The following GLIPR1L2 variants were observed in gnomAD, a reference collection of about 807,000 sequenced individuals.
GLIPR1L2 encodes the protein GLIPR1 like 2.
Under a neutral mutation model 28.4 loss-of-function variants are expected in GLIPR1L2, and 21 were observed. That is an observed-to-expected ratio of 0.74 (90% CI 0.52 to 1.06). The LOEUF is 1.06. Ranked by LOEUF, GLIPR1L2 falls within the 50% of genes least tolerant of loss-of-function variation. The pLI, the probability that GLIPR1L2 is intolerant of heterozygous loss-of-function variation, is 0.00. For missense variants in GLIPR1L2, 476 were observed against 416.9 expected (o/e 1.14, Z -1.23); for synonymous variants, 145 against 139.3 (o/e 1.04, Z -0.29).
intron 4 of GLIPR1L2, among the ~76,000 whole-genome samples, chr12:75,424,955 T>C (rs1475950309): frequency 6.6e-6 from 1 of 152,036 alleles, no homozygotes; most frequent in East Asian, 1.9e-4. Context: ...AAAGGTGATA[T>C]GTTAGAGCCT....
chr12:75,422,216 A>G (rs897440194), intron 3 of GLIPR1L2, among the ~76,000 whole-genome samples: 2 of 150,782 alleles, frequency 1.3e-5, no homozygotes, highest in East Asian at 4.0e-4. Context: ...CTGGTCTCGA[A>G]CTCCTGGTCT....
chr12:75,432,228 A>G lies in GLIPR1L2; in HGVS notation c.*1067A>G, dbSNP rs1222167121. The G allele has an allele frequency of 2.0e-5, 3 of 152,202 alleles. No homozygotes were observed. Among genetic ancestry groups the G allele is most frequent in the Admixed American group, 1.3e-4 (2 of 15,290 alleles). 9.4% of individuals were successfully genotyped at this position (152,202 alleles called of 1,614,324 possible). On this transcript the variant is annotated 3_prime_UTR_variant, in exon 6 of 6. Transcript: ENST00000550916. ...TTTTAAAATAGGCAAAAAGCAATGT[A>G]TAATATTTTTCCAATTGCCATTCCA...
At chr12:75,428,518 AT>A (rs1184922520) in intron 4 of GLIPR1L2, among the ~76,000 whole-genome samples, 5 of 49,736 alleles carry the variant, frequency 1.0e-4, no homozygotes, top group East Asian at 7.2e-4. Flanking sequence ...GGTAGAAAAA[AT>A]ATATATATAT....
intron 4 of GLIPR1L2, 188 bp downstream of exon 4, chr12:75,423,177 G>A (rs2045996891): frequency 1.4e-6 from 2 of 1,452,256 alleles, no homozygotes; most frequent in Admixed American, 3.0e-5. Flanking sequence ...AGCTTTTTCT[G>A]TTCTATCTTA....
chr12:75,411,477 A>C (rs1171888141), intron 2 of GLIPR1L2, among the ~76,000 whole-genome samples: 4 of 151,120 alleles, frequency 2.6e-5, no homozygotes, highest in Admixed American at 1.3e-4. Flanking sequence ...TACTTCAAAA[A>C]TTTTTTCATC....
chr12:75,414,489 C>A (rs1387785136), intron 3 of GLIPR1L2, among the ~76,000 whole-genome samples: 2 of 152,018 alleles, frequency 1.3e-5, no homozygotes, highest in Admixed American at 1.3e-4. Context: ...ATTTAAAAAG[C>A]AGTGATTACT....
chr12:75,391,097 C>T lies in GLIPR1L2; in HGVS notation c.-20C>T, dbSNP rs1409781242. 20 of 1,578,708 alleles carry T rather than the reference C, an allele frequency of 1.3e-5. No homozygotes were observed. The highest frequency in any genetic ancestry group is 1.7e-5 in the Non-Finnish European group (19 of 1,150,414). On this transcript the variant is annotated 5_prime_UTR_variant, in exon 1 of 6. Coordinates refer to ENST00000550916, the MANE Select transcript of GLIPR1L2 (RefSeq NM_001270396.2). ...GGACGGCCAGCGCGTGCGCACTGGC[C>T]TGTCAGCGGCCGGTGGACCATGGAG... is the stretch of plus-strand genomic sequence containing the variant.
At chr12:75,417,898 A>G (rs2045938926) in intron 3 of GLIPR1L2, among the ~76,000 whole-genome samples, 1 of 152,164 alleles carries the variant, frequency 6.6e-6, no homozygotes, top group African/African-American at 2.4e-5. Context: ...CGATTACTCT[A>G]AAACTTAAAT....
rs748965111 is a variant in GLIPR1L2, at chr12:75,413,646, T to A, written c.529T>A (p.Ser177Thr). ...AGTTGGTTGTGCTGTTACTCCATGT[T>A]CAAAAATTGGACATATTATACATGC... ...YKVGCAVTPC[S>T]KIGHIIHAAI... Residue 177 changes from serine to threonine, a missense_variant, in exon 3 of 6, where the codon TCA becomes ACA. Coordinates refer to ENST00000550916, the MANE Select transcript of GLIPR1L2 (RefSeq NM_001270396.2). The A allele has an allele frequency of 6.4e-7, 1 of 1,568,902 alleles. No homozygotes were observed. The highest frequency in any genetic ancestry group is 8.6e-7 in the Non-Finnish European group (1 of 1,161,544).
chr12:75,393,576 CTG>C (rs1395237079), intron 1 of GLIPR1L2, among the ~76,000 whole-genome samples: 7 of 152,106 alleles, frequency 4.6e-5, no homozygotes, highest in Admixed American at 4.6e-4. Flanking sequence ...TCAGAATTAC[CTG>C]TCTTTTTACA....
At chr12:75,423,819 T>C (rs574864509) in intron 4 of GLIPR1L2, 1 of 152,316 alleles carries the variant, frequency 6.6e-6, no homozygotes, top group South Asian at 2.1e-4. Flanking sequence ...CATGCAGTGT[T>C]TGGTTTTCTG....
chr12:75,405,732 T>C (rs1253951167), intron 1 of GLIPR1L2, among the ~76,000 whole-genome samples: 1 of 152,138 alleles, frequency 6.6e-6, no homozygotes, highest in Non-Finnish European at 1.5e-5. Flanking sequence ...GAGTTGATCA[T>C]GTCCCTCACT....
At chr12:75,425,511 T>C (rs1489317131) in intron 4 of GLIPR1L2, among the ~76,000 whole-genome samples, 1 of 152,104 alleles carries the variant, frequency 6.6e-6, no homozygotes, top group Non-Finnish European at 1.5e-5. Flanking sequence ...CAGAGCTGGG[T>C]TTCAAAGTCT....
In GLIPR1L2 at chr12:75,413,677, T is replaced by G. The variant is rs2045895386; in HGVS notation, c.560T>G (p.Ile187Ser). 2 of 1,521,742 alleles carry G rather than the reference T, an allele frequency of 1.3e-6. No homozygotes were observed. Among genetic ancestry groups the G allele is most frequent in the Non-Finnish European group, 1.8e-6 (2 of 1,132,126 alleles). 94.3% of individuals were successfully genotyped at this position (1,521,742 alleles called of 1,614,324 possible). ...ATTGGACATATTATACATGCAGCAATTTTCATATGCAACTATGCGCCAGGG... is the reference window on the plus strand; with the variant it reads ...ATTGGACATATTATACATGCAGCAAGTTTCATATGCAACTATGCGCCAGGG... ...SKIGHIIHAA[I>S]FICNYAPGGT... Residue 187 changes from isoleucine to serine, a missense_variant, in exon 3 of 6, where the codon ATT becomes AGT. Ile to Ser is a moderately radical substitution (Grantham distance 142, BLOSUM62 -2). Transcript: ENST00000550916.
chr12:75,426,178 AAC>A (rs1321716712), intron 4 of GLIPR1L2, among the ~76,000 whole-genome samples: 2 of 152,240 alleles, frequency 1.3e-5, no homozygotes, highest in Non-Finnish European at 2.9e-5. Flanking sequence ...CAAAATAGTC[AAC>A]ACAGTAGACA....
At chr12:75,420,553 G>C (rs2045966998) in intron 3 of GLIPR1L2, among the ~76,000 whole-genome samples, 2 of 152,170 alleles carry the variant, frequency 1.3e-5, no homozygotes, top group South Asian at 4.1e-4. Context: ...CTATGTTCAA[G>C]AGTCTTGACT....
rs773401743 is a variant in GLIPR1L2, at chr12:75,422,933, C to G, written c.614C>G (p.Pro205Arg). The change falls in exon 4 of 6, where the codon CCA (proline) becomes CGA (arginine). Residue 205 changes from proline to arginine, a missense_variant. Pro to Arg is a moderately radical substitution (Grantham distance 103). Coordinates refer to ENST00000550916, the MANE Select transcript of GLIPR1L2 (RefSeq NM_001270396.2). ...GGTLTRRPYEPGIFCTRCGRR... is the reference protein window; with the variant it reads ...GGTLTRRPYERGIFCTRCGRR... ...ACACTGACGAGAAGACCTTATGAAC[C>G]AGGAATATTTTGTACTCGATGTGGC... 5 of 1,607,980 alleles carry G rather than the reference C, an allele frequency of 3.1e-6. No individual in the cohort carries two copies. Among genetic ancestry groups the G allele is most frequent in the Non-Finnish European group, 3.4e-6 (4 of 1,177,606 alleles).
intron 4 of GLIPR1L2, among the ~76,000 whole-genome samples, chr12:75,428,069 A>G (rs1009775002): frequency 3.9e-5 from 6 of 152,236 alleles, no homozygotes; most frequent in African/African-American, 1.2e-4. Flanking sequence ...TAACAGGCAG[A>G]GGTTGGAACC....
In GLIPR1L2 at chr12:75,431,984, C is replaced by A. The variant is rs1192743863; in HGVS notation, c.*823C>A. Reference sequence around the variant, plus strand: ...AAATGAACTAAATAAAAATACCTAGCATAGGAGATTTCTTTATCTATAAAA... The same window carrying A: ...AAATGAACTAAATAAAAATACCTAGAATAGGAGATTTCTTTATCTATAAAA... On this transcript the variant is annotated 3_prime_UTR_variant, in exon 6 of 6. Transcript: ENST00000550916. The A allele has an allele frequency of 2.0e-5, 3 of 152,114 alleles. No homozygotes were observed. In the East Asian group the frequency reaches 5.8e-4, roughly 29 times the overall value. 9.4% of individuals were successfully genotyped at this position (152,114 alleles called of 1,614,324 possible).
Sources: allele counts gnomAD v4.1 joint callset (sites outside exome capture counted in the v4.1 genomes callset), GRCh38; gene constraint gnomAD v4.1.1; transcripts MANE v1.5; gene names NCBI Gene and HGNC (gene_info 2026-07-23, HGNC 2026-07-21).